Variants in RGS6 observed in about 807,000 individuals in gnomAD.
The protein encoded by RGS6 is regulator of G protein signaling 6.
In RGS6, 30 loss-of-function variants were observed where a neutral mutation model predicts 78.5. That is an observed-to-expected ratio of 0.38 (90% CI 0.29 to 0.52). The LOEUF (loss-of-function observed/expected upper bound fraction) is 0.52, where lower values mean the gene tolerates loss of function less well. Among genes scored for constraint, RGS6 ranks in the 20% least tolerant of loss-of-function variants. The pLI is 0.85. For synonymous variants in RGS6, 206 were observed against 206.0 expected (o/e 1.00, Z 0.00); for missense variants, 495 against 609.7 (o/e 0.81, Z 1.98).
the RGS6 span, among the ~76,000 whole-genome samples, chr14:71,874,580 A>T: frequency 6.6e-6 from 1 of 152,256 alleles, no homozygotes. Flanking sequence ...CAATCATATC[A>T]TCTGCAAACA....
At chr14:71,977,804 G>A (rs912937974) in intron 2 of RGS6, among the ~76,000 whole-genome samples, 7 of 151,850 alleles carry the variant, frequency 4.6e-5, no homozygotes, top group Non-Finnish European at 1.0e-4. Context: ...GTGAAGAAAG[G>A]CATTGGTAGC....
At chr14:72,131,157 C>T (rs920098124) in intron 2 of RGS6, among the ~76,000 whole-genome samples, 3 of 152,180 alleles carry the variant, frequency 2.0e-5, no homozygotes, top group Non-Finnish European at 2.9e-5. Context: ...GATTCCTAGT[C>T]CCCTAACTCA....
the RGS6 span, among the ~76,000 whole-genome samples, chr14:71,879,695 A>T: frequency 6.6e-6 from 1 of 152,082 alleles, no homozygotes; most frequent in African/African-American, 2.4e-5. Context: ...TTCTACTATG[A>T]TTGTGAGATC....
intron 2 of RGS6, among the ~76,000 whole-genome samples, chr14:72,254,694 A>G (rs569572588): frequency 4.7e-4 from 72 of 152,296 alleles, no homozygotes; most frequent in Non-Finnish European, 8.1e-4. Flanking sequence ...AGGGAGAATA[A>G]ATCACAGAAG....
intron 2 of RGS6, among the ~76,000 whole-genome samples, chr14:71,998,942 A>G (rs2082876818): frequency 6.6e-6 from 1 of 152,200 alleles, no homozygotes. Flanking sequence ...CTTTATTTAT[A>G]AAATCAGGCC....
chr14:71,942,471 A>G lies in RGS6; in HGVS notation c.-21+9530A>G, dbSNP rs150472753. ...TCCCTCCCACCAAGAAAAAAGGCTCATTAGAACTCTACCACCATTCTATAA... is the reference window on the plus strand; with the variant it reads ...TCCCTCCCACCAAGAAAAAAGGCTCGTTAGAACTCTACCACCATTCTATAA... On this transcript the variant is annotated intron_variant, in intron 1 of 17. Coordinates refer to ENST00000553525, the MANE Select transcript of RGS6 (RefSeq NM_001204424.2). 5.3e-4 allele frequency among the ~76,000 whole-genome samples: 81 copies of G among 152,286 alleles called. No individual in the cohort carries two copies. The East Asian group carries it at 0.015, about 29-fold the overall frequency.
intron 2 of RGS6, among the ~76,000 whole-genome samples, chr14:72,149,460 G>A (rs1470491209): frequency 6.6e-6 from 1 of 152,158 alleles, no homozygotes; most frequent in South Asian, 2.1e-4. Flanking sequence ...AGGTTGAAAC[G>A]GGAAGGTAGA....
At chr14:72,532,292 C>T (rs1209527547) in intron 15 of RGS6, among the ~76,000 whole-genome samples, 1 of 152,058 alleles carries the variant, frequency 6.6e-6, no homozygotes, top group Non-Finnish European at 1.5e-5. Context: ...CTGGGGGTGC[C>T]CAACTGCACC....
intron 12 of RGS6, among the ~76,000 whole-genome samples, chr14:72,488,983 G>C (rs939582073): frequency 1.3e-5 from 2 of 152,170 alleles, no homozygotes; most frequent in African/African-American, 2.4e-5. Flanking sequence ...TTCTACTTCA[G>C]GGAAATCTAT....
chr14:72,188,479 TATCATCATC>T (rs34314181), intron 2 of RGS6, among the ~76,000 whole-genome samples: 19 of 150,842 alleles, frequency 1.3e-4, no homozygotes, highest in African/African-American at 4.1e-4. Context: ...CTATAGCAGT[TATCATCATC>T]ATCATCATCA....
intron 3 of RGS6, among the ~76,000 whole-genome samples, chr14:72,453,988 G>T (rs2153228848): frequency 6.6e-6 from 1 of 152,352 alleles, no homozygotes; most frequent in Non-Finnish European, 1.5e-5. Context: ...ATATCTAAGT[G>T]CAGGGGAGGC....
intron 10 of RGS6, 91 bp downstream of exon 10, chr14:72,474,790 C>A (rs2096190788): frequency 9.8e-7 from 1 of 1,024,248 alleles, no homozygotes; most frequent in Non-Finnish European, 1.4e-6. Context: ...ACTTGTAATT[C>A]TACCACCTTT....
intron 2 of RGS6, among the ~76,000 whole-genome samples, chr14:72,312,156 T>G (rs1446488689): frequency 6.6e-6 from 1 of 152,094 alleles, no homozygotes; most frequent in Non-Finnish European, 1.5e-5. Context: ...CAGGGGAATG[T>G]GTACTCTGGT....
At chr14:72,589,523 C>A in the RGS6 span, among the ~76,000 whole-genome samples, 3 of 152,116 alleles carry the variant, frequency 2.0e-5, no homozygotes, top group African/African-American at 7.2e-5. Context: ...GCACTCCAAC[C>A]TGGATGACAG....
intron 3 of RGS6, among the ~76,000 whole-genome samples, chr14:72,429,046 A>G (rs2094529992): frequency 6.6e-6 from 1 of 152,146 alleles, no homozygotes; most frequent in South Asian, 2.1e-4. Context: ...ACTAAAATAC[A>G]AAAAAAGTTT....
In RGS6 at chr14:72,564,727, G is replaced by C. The variant is rs1469248510; in HGVS notation, c.*2260G>C. ...CTGTGCCCCCTTCTCCTTCTGACTG[G>C]TCTCACCCTGGAGATCCCCAGAGGA... On this transcript the variant is annotated 3_prime_UTR_variant, in exon 18 of 18. Coordinates refer to ENST00000553525, the MANE Select transcript of RGS6 (RefSeq NM_001204424.2). 6.6e-6 allele frequency: 1 copy of C among 152,316 alleles called. No homozygotes were observed. Among genetic ancestry groups the C allele is most frequent in the Non-Finnish European group, 1.5e-5 (1 of 68,142 alleles). The allele number at this position is 152,316 out of a possible 1,614,324, so 9.4% of individuals were successfully genotyped here. A position where few individuals can be genotyped will look rare whatever the true frequency, so the allele number is the denominator to read the frequency against.
Position 72,411,502 on chromosome 14 carries a change from T to C in RGS6, c.185-43026T>C, listed in dbSNP as rs193167006. 5.1e-3 allele frequency among the ~76,000 whole-genome samples: 773 copies of C among 152,332 alleles called. 3 individuals carry two copies. Among genetic ancestry groups the C allele is most frequent in the African/African-American group, 0.017 (723 of 41,578 alleles). On this transcript the variant is annotated intron_variant, in intron 3 of 17. Transcript: ENST00000553525. ...GGGGTTTTCTAGATATACAATCATG[T>C]CATCTGCAAACAGGGACAATTTGAC...
At chr14:72,504,695 G>C (rs747940791) in intron 13 of RGS6, among the ~76,000 whole-genome samples, 13 of 150,188 alleles carry the variant, frequency 8.7e-5, no homozygotes, top group Non-Finnish European at 1.9e-4. Context: ...GGTTACAGCA[G>C]TTTAGGTTCC....
At chr14:72,020,881 C>T (rs1379091429) in intron 2 of RGS6, among the ~76,000 whole-genome samples, 1 of 152,152 alleles carries the variant, frequency 6.6e-6, no homozygotes, top group African/African-American at 2.4e-5. Context: ...GACATGTGCT[C>T]TGAAGGAGAA....
Sources: gnomAD v4.1 joint callset for allele counts (sites outside exome capture counted in the v4.1 genomes callset) on GRCh38, gnomAD v4.1.1 for gene constraint, MANE v1.5 for transcripts, NCBI Gene and HGNC (gene_info 2026-07-23, HGNC 2026-07-21) for gene names.